The following SLC35F1 variants were observed in gnomAD, a reference collection of about 807,000 sequenced individuals.
SLC35F1 encodes the protein chromosome 6 open reading frame 169.
Under a neutral mutation model 48.7 loss-of-function variants are expected in SLC35F1, and 14 were observed. That is an observed-to-expected ratio of 0.29 (90% CI 0.19 to 0.45). The LOEUF is 0.45. SLC35F1 is among the 20% of genes least tolerant of loss of function. The probability of loss-of-function intolerance (pLI) is 1.00; values close to 1 mark genes in which losing one functional copy is unlikely to be tolerated. For synonymous variants in SLC35F1, 190 were observed against 202.2 expected, an observed-to-expected ratio of 0.94 and a Z score of 0.51; for missense variants, 404 against 500.0, an observed-to-expected ratio of 0.81 and a Z score of 1.83.
intron 1 of SLC35F1, among the ~76,000 whole-genome samples, chr6:118,092,764 G>A (rs1773093646): frequency 6.6e-6 from 1 of 152,196 alleles, no homozygotes; most frequent in South Asian, 2.1e-4. Flanking sequence ...ATTAATGACT[G>A]CCCTACTGGA....
At chr6:118,254,443 A>T (rs1179400190) in intron 3 of SLC35F1, among the ~76,000 whole-genome samples, 1 of 152,036 alleles carries the variant, frequency 6.6e-6, no homozygotes. Context: ...CACCACGCCT[A>T]GCTTATTTTC....
intron 1 of SLC35F1, among the ~76,000 whole-genome samples, chr6:117,996,015 G>T (rs1196505173): frequency 6.6e-6 from 1 of 152,140 alleles, no homozygotes; most frequent in Non-Finnish European, 1.5e-5. Context: ...TCCCATCTTT[G>T]TGGAAATAAG....
At chr6:117,981,282 T>G (rs1306205200) in intron 1 of SLC35F1, among the ~76,000 whole-genome samples, 2 of 152,006 alleles carry the variant, frequency 1.3e-5, no homozygotes, top group East Asian at 3.9e-4. Flanking sequence ...GCTGGAGACA[T>G]GGAGATGGTG....
chr6:118,232,989 CG>C (rs1183058986), intron 2 of SLC35F1, among the ~76,000 whole-genome samples: 4 of 149,596 alleles, frequency 2.7e-5, no homozygotes, highest in African/African-American at 9.8e-5. Context: ...TTTTTTTAGA[CG>C]AAGTCTCACT....
intron 1 of SLC35F1, among the ~76,000 whole-genome samples, chr6:118,036,189 G>A (rs533477444): frequency 1.6e-4 from 24 of 152,030 alleles, no homozygotes; most frequent in Non-Finnish European, 2.9e-4. Flanking sequence ...TGAAAACACC[G>A]CTTTAGGTGT....
chr6:118,104,160 T>C (rs1773298036), intron 1 of SLC35F1, among the ~76,000 whole-genome samples: 1 of 148,672 alleles, frequency 6.7e-6, no homozygotes, highest in Non-Finnish European at 1.5e-5. Flanking sequence ...TATCTTCCTC[T>C]CTCCCACATT....
chr6:117,995,258 A>G (rs560003356), intron 1 of SLC35F1, among the ~76,000 whole-genome samples: 2 of 152,350 alleles, frequency 1.3e-5, no homozygotes, highest in South Asian at 4.1e-4. Flanking sequence ...AAAGCTGAGC[A>G]TGTATTTTCC....
intron 2 of SLC35F1, among the ~76,000 whole-genome samples, chr6:118,161,714 A>G (rs752235335): frequency 9.2e-5 from 14 of 152,290 alleles, no homozygotes; most frequent in Non-Finnish European, 1.8e-4. Flanking sequence ...TCTGAGATGA[A>G]TCTTTGGTAG....
chr6:118,258,204 T>C (rs2114611209), intron 3 of SLC35F1, among the ~76,000 whole-genome samples: 1 of 152,232 alleles, frequency 6.6e-6, no homozygotes, highest in Middle Eastern at 3.4e-3. Flanking sequence ...TATGGAACTT[T>C]GCATAATCAA....
intron 2 of SLC35F1, among the ~76,000 whole-genome samples, chr6:118,232,548 C>CAAAAA (rs771123566): frequency 1.9e-3 from 95 of 50,714 alleles, no homozygotes; most frequent in African/African-American, 6.0e-3. Flanking sequence ...AACTCCATCC[C>CAAAAA]AAAAAAAAAA....
intron 1 of SLC35F1, among the ~76,000 whole-genome samples, chr6:118,139,279 A>AT (rs1391092358): frequency 6.6e-6 from 1 of 151,846 alleles, no homozygotes; most frequent in East Asian, 1.9e-4. Context: ...TGCCCGGCTA[A>AT]TTTTTTGTAT....
At chr6:117,958,940 A>G (rs1776460524) in intron 1 of SLC35F1, among the ~76,000 whole-genome samples, 1 of 152,208 alleles carries the variant, frequency 6.6e-6, no homozygotes, top group African/African-American at 2.4e-5. Flanking sequence ...AGAATATCTA[A>G]TCCCTAATTT....
chr6:118,060,759 A>G (rs1463521406), intron 1 of SLC35F1, among the ~76,000 whole-genome samples: 10 of 152,224 alleles, frequency 6.6e-5, no homozygotes, highest in Admixed American at 6.5e-4. Context: ...CAGGAACAAT[A>G]TGTTAGCTAA....
chr6:118,118,479 T>C (rs1170767321), intron 1 of SLC35F1, among the ~76,000 whole-genome samples: 1 of 152,212 alleles, frequency 6.6e-6, no homozygotes, highest in Non-Finnish European at 1.5e-5. Context: ...CTTCTATTTA[T>C]GTTTTCAGAA....
intron 1 of SLC35F1, among the ~76,000 whole-genome samples, chr6:117,923,716 T>TGTAC (rs1187744190): frequency 0.01 from 1,111 of 110,430 alleles, 286 homozygotes; most frequent in Admixed American, 0.018. Flanking sequence ...TGTACATATA[T>TGTAC]ACATATATAC....
chr6:118,262,810 G>C (rs1775728767), intron 3 of SLC35F1, among the ~76,000 whole-genome samples: 1 of 152,134 alleles, frequency 6.6e-6, no homozygotes, highest in Non-Finnish European at 1.5e-5. Context: ...GTTCAAGCTG[G>C]GCGCTGTGGC....
chr6:118,156,068 T>A (rs1477200069), intron 2 of SLC35F1, among the ~76,000 whole-genome samples: 2 of 152,156 alleles, frequency 1.3e-5, no homozygotes, highest in Non-Finnish European at 2.9e-5. Context: ...TCTCAAAAAT[T>A]GGTGCTATCA....
At position 118,314,529 on chromosome 6, in the gene SLC35F1, T is replaced by C. The variant is rs1776409343; in HGVS notation, c.*277T>C. 1 of 428,334 alleles carries C rather than the reference T, an allele frequency of 2.3e-6. No homozygotes were observed. Among genetic ancestry groups the C allele is most frequent in the African/African-American group, 1.9e-5 (1 of 51,410 alleles). 26.5% of individuals were successfully genotyped at this position (428,334 alleles called of 1,614,324 possible). ...TGAAAATTTTTGAATCAAAAGCAAG[T>C]ATTATTGTTATTATGATTTGTATTA... On this transcript the variant is annotated 3_prime_UTR_variant, in exon 8 of 8. Coordinates refer to ENST00000360388, the MANE Select transcript of SLC35F1 (RefSeq NM_001029858.4).
At chr6:118,126,701 C>T (rs1331905791) in intron 1 of SLC35F1, among the ~76,000 whole-genome samples, 1 of 151,474 alleles carries the variant, frequency 6.6e-6, no homozygotes, top group Non-Finnish European at 1.5e-5. Context: ...CTTCACGTCC[C>T]TTGTAAGTTG....
Sources: gnomAD v4.1 joint callset for allele counts (sites outside exome capture counted in the v4.1 genomes callset) on GRCh38, gnomAD v4.1.1 for gene constraint, MANE v1.5 for transcripts, NCBI Gene and HGNC (gene_info 2026-07-23, HGNC 2026-07-21) for gene names.